PATJ: variants seen among roughly 807,000 people sequenced by gnomAD.
PATJ encodes the protein inaD-like protein.
A neutral mutation model predicts 224.9 loss-of-function variants in PATJ; 190 were observed. The ratio of observed to expected loss-of-function variants is 0.84; its 90% CI spans 0.75 to 0.95. The LOEUF is 0.95. PATJ is among the 40% of genes least tolerant of loss of function. The pLI is 0.00. For missense variants in PATJ, 2,121 were observed against 2,270.3 expected, an observed-to-expected ratio of 0.93 and a Z score of 1.34; for synonymous variants, 769 against 820.3, an observed-to-expected ratio of 0.94 and a Z score of 1.07.
At chr1:61,787,721 A>G (rs1242611977) in intron 7 of PATJ, 33 bp from the exon 8 acceptor site, 5 of 1,515,102 alleles carry the variant, frequency 3.3e-6, no homozygotes, top group Admixed American at 1.7e-5. Flanking sequence ...TACAGCATTT[A>G]TTTCTCAAAA....
At chr1:61,944,167 C>T (rs982757196) in intron 27 of PATJ, among the ~76,000 whole-genome samples, 2 of 152,188 alleles carry the variant, frequency 1.3e-5, no homozygotes, top group African/African-American at 2.4e-5. Flanking sequence ...CGCCTCTTCT[C>T]CTCCAAAGAA....
chr1:61,859,594 C>A (rs1364726167), intron 18 of PATJ, among the ~76,000 whole-genome samples: 1 of 151,726 alleles, frequency 6.6e-6, no homozygotes, highest in African/African-American at 2.4e-5. Context: ...AAATTGACGG[C>A]CACTTATCTA....
At chr1:62,146,221 G>A (rs536400809) in intron 41 of PATJ, among the ~76,000 whole-genome samples, 3 of 152,212 alleles carry the variant, frequency 2.0e-5, no homozygotes, top group South Asian at 2.1e-4. Context: ...TGAGGAGGCC[G>A]GCACAATGGG....
chr1:62,124,745 G>T (rs1305311810), intron 39 of PATJ, among the ~76,000 whole-genome samples: 1 of 152,080 alleles, frequency 6.6e-6, no homozygotes, highest in Non-Finnish European at 1.5e-5. Flanking sequence ...CCTTTTTTGT[G>T]TGTCACTCAT....
chr1:61,957,942 C>T (rs1180148603), intron 27 of PATJ, among the ~76,000 whole-genome samples: 1 of 152,130 alleles, frequency 6.6e-6, no homozygotes, highest in Non-Finnish European at 1.5e-5. Context: ...TTCTTTTCTA[C>T]AAACCAAGGA....
At chr1:62,008,299 G>A (rs1479693704) in intron 28 of PATJ, among the ~76,000 whole-genome samples, 1 of 152,152 alleles carries the variant, frequency 6.6e-6, no homozygotes, top group African/African-American at 2.4e-5. Context: ...ACAAAGAGAA[G>A]CAGTTGTGTG....
At chr1:62,042,119 G>A (rs1570278327) in intron 30 of PATJ, among the ~76,000 whole-genome samples, 1 of 152,292 alleles carries the variant, frequency 6.6e-6, no homozygotes, top group Middle Eastern at 3.4e-3. Flanking sequence ...AATCAAATTT[G>A]TGTGCCATTA....
chr1:62,043,205 G>T (rs1651851041), intron 30 of PATJ, among the ~76,000 whole-genome samples: 1 of 152,088 alleles, frequency 6.6e-6, no homozygotes, highest in African/African-American at 2.4e-5. Flanking sequence ...TGTGTCAAAG[G>T]GTAGTTATGA....
At chr1:61,957,291 G>A (rs1680572270) in intron 27 of PATJ, among the ~76,000 whole-genome samples, 1 of 152,122 alleles carries the variant, frequency 6.6e-6, no homozygotes, top group African/African-American at 2.4e-5. Context: ...TACTTAGAAG[G>A]TTCTTTTTAT....
chr1:62,149,676 A>G (rs1668428013), intron 42 of PATJ, among the ~76,000 whole-genome samples: 2 of 151,558 alleles, frequency 1.3e-5, no homozygotes, highest in South Asian at 2.1e-4. Flanking sequence ...TGATGTGGCT[A>G]TGGAAATACA....
At position 61,946,761 on chromosome 1, in the gene PATJ, CAA is replaced by C. The variant is rs770149967; in HGVS notation, c.3670+18938_3670+18939del. Among the ~76,000 whole-genome samples the C allele has an allele frequency of 4.6e-5, 7 of 151,922 alleles. No individual in the cohort carries two copies. In the East Asian group the frequency reaches 9.7e-4, roughly 21 times the overall value. On this transcript the variant is annotated intron_variant, in intron 27 of 43. Coordinates refer to ENST00000642238, the MANE Select transcript of PATJ (RefSeq NM_001350145.3). ...ATACCAAAGCCTGGCAGAGACACAA[CAA>C]AAAAAGAGAATTTTAGACCAATATC...
chr1:61,962,785 G>A (rs1681496518), intron 27 of PATJ, among the ~76,000 whole-genome samples: 2 of 152,184 alleles, frequency 1.3e-5, no homozygotes, highest in African/African-American at 2.4e-5. Flanking sequence ...TGAGACCTGG[G>A]CTTCTTTCAT....
At position 61,849,572 on chromosome 1, in the gene PATJ, G is replaced by A. The variant is rs147795053; in HGVS notation, c.2113-6458G>A. On this transcript the variant is annotated intron_variant, in intron 17 of 43. Coordinates refer to ENST00000642238, the MANE Select transcript of PATJ (RefSeq NM_001350145.3). Reference sequence around the variant, plus strand: ...TGTGCCACTGCACTCAAGCCTGGGCGACAGAGTGAGACCCTGTCTCAAAAA... The same window carrying A: ...TGTGCCACTGCACTCAAGCCTGGGCAACAGAGTGAGACCCTGTCTCAAAAA... Among the ~76,000 whole-genome samples the A allele has an allele frequency of 3.3e-5, 5 of 152,190 alleles. No homozygotes were observed. The East Asian group carries it at 5.8e-4, about 18-fold the overall frequency.
At chr1:62,054,261 G>A in intron 31 of PATJ, 1 of 333,276 alleles carries the variant, frequency 3.0e-6, no homozygotes. Context: ...TACTCAAGAG[G>A]CTGAAGTGGG....
At chr1:62,039,796 C>T (rs751250985) in intron 30 of PATJ, among the ~76,000 whole-genome samples, 14 of 152,078 alleles carry the variant, frequency 9.2e-5, no homozygotes, top group African/African-American at 1.2e-4. Context: ...AAATGAGCAA[C>T]GGGGAGGTCC....
At chr1:62,024,232 C>T (rs1647326707) in intron 29 of PATJ, among the ~76,000 whole-genome samples, 1 of 152,044 alleles carries the variant, frequency 6.6e-6, no homozygotes, top group Admixed American at 6.6e-5. Flanking sequence ...TAGAGAGGTG[C>T]CCCTCCTCCT....
chr1:62,094,888 T>A (rs745634815), intron 33 of PATJ, among the ~76,000 whole-genome samples: 5 of 152,228 alleles, frequency 3.3e-5, no homozygotes, highest in African/African-American at 4.8e-5. Flanking sequence ...CTGACTGTGT[T>A]GTGAGATTTT....
rs1408525402 is a variant in PATJ at position 61,996,710 on chromosome 1, A to G, written c.3867+6346A>G. 6.6e-5 allele frequency among the ~76,000 whole-genome samples: 10 copies of G among 150,960 alleles called. No individual in the cohort carries two copies. In the East Asian group the frequency reaches 1.9e-3, roughly 29 times the overall value. ...AATGACTTTTCCTGTAGCTTTATTA[A>G]TAGAGATAGGTTCTTTTTTTCTTTT... On this transcript the variant is annotated intron_variant, in intron 28 of 43. Coordinates refer to ENST00000642238, the MANE Select transcript of PATJ (RefSeq NM_001350145.3).
intron 27 of PATJ, among the ~76,000 whole-genome samples, chr1:61,965,370 A>G (rs1681980450): frequency 6.6e-6 from 1 of 152,144 alleles, no homozygotes; most frequent in Admixed American, 6.6e-5. Context: ...TCATTTGAAT[A>G]TGGTAATTAG....
Sources: allele counts gnomAD v4.1 joint callset (sites outside exome capture counted in the v4.1 genomes callset), GRCh38; gene constraint gnomAD v4.1.1; transcripts MANE v1.5; gene names NCBI Gene and HGNC (gene_info 2026-07-23, HGNC 2026-07-21).